The following NUDCD2 variants were observed in gnomAD, a reference collection of about 807,000 sequenced individuals.
The protein encoded by NUDCD2 is nudC domain-containing protein 2.
In NUDCD2, 16 loss-of-function variants were observed where a neutral mutation model predicts 20.8. The observed-to-expected ratio is 0.77, with a 90% CI of 0.52 to 1.17. NUDCD2 has a LOEUF of 1.17. NUDCD2 is among the 50% of genes most tolerant of loss of function. The probability of loss-of-function intolerance (pLI) is 0.00; values close to 1 mark genes in which losing one functional copy is unlikely to be tolerated. For missense variants in NUDCD2, 199 were observed against 193.9 expected, an observed-to-expected ratio of 1.03 and a Z score of -0.16; for synonymous variants, 87 against 72.8, an observed-to-expected ratio of 1.20 and a Z score of -1.00.
At position 163,449,127 on chromosome 5, in the gene NUDCD2, CTG is replaced by C. The variant is rs1396121850; in HGVS notation, c.*4838_*4839del. ...ATAGACTAAAAAGAATAAAATAAAA[CTG>C]TTCCTATTCGTAGTTTATGTAGAAA... On this transcript the variant is annotated 3_prime_UTR_variant, in exon 4 of 4. Transcript: ENST00000302764. 1 of 152,098 alleles carries C rather than the reference CTG, an allele frequency of 6.6e-6. No individual in the cohort carries two copies. Among genetic ancestry groups the C allele is most frequent in the Non-Finnish European group, 1.5e-5 (1 of 68,024 alleles). The allele number at this position is 152,098 out of a possible 1,614,324, so 9.4% of individuals were successfully genotyped here.
chr5:163,456,002 C>T (rs1422864120), intron 3 of NUDCD2, among the ~76,000 whole-genome samples: 5 of 151,802 alleles, frequency 3.3e-5, no homozygotes, highest in Non-Finnish European at 7.4e-5. Flanking sequence ...TTTTTTTGAC[C>T]TGAACTACTA....
intron 3 of NUDCD2, among the ~76,000 whole-genome samples, chr5:163,455,593 C>T (rs1758282414): frequency 6.6e-6 from 1 of 152,142 alleles, no homozygotes; most frequent in Non-Finnish European, 1.5e-5. Flanking sequence ...GAAACCCCAC[C>T]TCTACTAAAA....
chr5:163,453,540 G>A lies in NUDCD2; in HGVS notation c.*427C>T, dbSNP rs1024836517. The A allele has an allele frequency of 1.3e-5, 2 of 152,442 alleles. No individual in the cohort carries two copies. The highest frequency in any genetic ancestry group is 4.8e-5 in the African/African-American group (2 of 41,346). The allele number at this position is 152,442 out of a possible 1,614,324, so 9.4% of individuals were successfully genotyped here. A position where few individuals can be genotyped will look rare whatever the true frequency, so the allele number is the denominator to read the frequency against. On this transcript the variant is annotated 3_prime_UTR_variant, in exon 4 of 4. Coordinates refer to ENST00000302764, the MANE Select transcript of NUDCD2 (RefSeq NM_145266.6). ...AAATTGTTTTCAGCACTATAATTTT[G>A]TGTGAATTGTTATACTTAGACAAAG...
At chr5:163,454,164 T>G (rs538120550) in intron 3 of NUDCD2, 114 bp from the exon 4 acceptor site, 80 of 485,592 alleles carry the variant, frequency 1.6e-4, no homozygotes, top group African/African-American at 1.5e-3. Flanking sequence ...CATGAAAATA[T>G]AACAGACTTC....
Position 163,459,848 on chromosome 5 carries a change from C to G in NUDCD2, c.189+14G>C, listed in dbSNP as rs1253484699. The G allele has an allele frequency of 3.2e-5, 50 of 1,586,774 alleles. No homozygotes were observed. Among genetic ancestry groups the G allele is most frequent in the Non-Finnish European group, 3.7e-5 (43 of 1,167,300 alleles). ...GGAAGAGGAAACTGAACACAAGCCC[C>G]GAGCTGCCGCTACCTTGAGGATCTC... On this transcript the variant is annotated intron_variant, in intron 1 of 3. Coordinates refer to ENST00000302764, the MANE Select transcript of NUDCD2 (RefSeq NM_145266.6).
At position 163,459,847 on chromosome 5, in the gene NUDCD2, C is replaced by T; in HGVS notation, c.189+15G>A. 6.3e-7 allele frequency: 1 copy of T among 1,586,056 alleles called. No individual in the cohort carries two copies. Among genetic ancestry groups the T allele is most frequent in the Non-Finnish European group, 8.6e-7 (1 of 1,166,940 alleles). On this transcript the variant is annotated intron_variant, in intron 1 of 3. Coordinates refer to ENST00000302764, the MANE Select transcript of NUDCD2 (RefSeq NM_145266.6). ...GGGAAGAGGAAACTGAACACAAGCC[C>T]CGAGCTGCCGCTACCTTGAGGATCT...
At chr5:163,455,458 G>T (rs1017310170) in intron 3 of NUDCD2, among the ~76,000 whole-genome samples, 1 of 152,154 alleles carries the variant, frequency 6.6e-6, no homozygotes, top group East Asian at 1.9e-4. Context: ...ATGTGACTTG[G>T]ATTTTAAAAG....
In NUDCD2 at chr5:163,459,988, C is replaced by T; in HGVS notation, c.63G>A (p.Trp21Ter). 6.2e-7 allele frequency: 1 copy of T among 1,613,458 alleles called. No individual in the cohort carries two copies. Among genetic ancestry groups the T allele is most frequent in the Non-Finnish European group, 8.5e-7 (1 of 1,179,782 alleles). The change falls in exon 1 of 4, where the codon TGG becomes TGA. Residue 21 changes from tryptophan (W) to a stop codon, truncating the protein, a stop_gained. Coordinates refer to ENST00000302764, the MANE Select transcript of NUDCD2 (RefSeq NM_145266.6). LOFTEE classifies it high-confidence loss of function. ...TGAACACCTCCTCCAAGGTCTGGTA[C>T]CACTGGCCCCACGGGGTCCCGCACG... ...VVPCGTPWGQ[W>*]YQTLEEVFIE...
intron 1 of NUDCD2, among the ~76,000 whole-genome samples, chr5:163,458,020 G>A (rs1170502432): frequency 9.5e-6 from 1 of 105,580 alleles, no homozygotes; most frequent in Non-Finnish European, 1.7e-5. Context: ...ACAGAGTTTC[G>A]CTCTGTCGCC....
rs1758156829 is a variant in NUDCD2 at position 163,450,702 on chromosome 5, A to G, written c.*3265T>C. 1 of 152,224 alleles carries G rather than the reference A, an allele frequency of 6.6e-6. No individual in the cohort carries two copies. The highest frequency in any genetic ancestry group is 6.5e-5 in the Admixed American group (1 of 15,284). The allele number at this position is 152,224 out of a possible 1,614,324, so 9.4% of individuals were successfully genotyped here. On this transcript the variant is annotated 3_prime_UTR_variant, in exon 4 of 4. Coordinates refer to ENST00000302764, the MANE Select transcript of NUDCD2 (RefSeq NM_145266.6). ...AGGATGCAGAGAAAATGGAACCTGC[A>G]TACACTGCTGGTGGGAAAGTAAAAA...
rs1448409607 is a variant in NUDCD2, at chr5:163,460,044, C to T, written c.7G>A (p.Ala3Thr). 2 of 1,576,504 alleles carry T rather than the reference C, an allele frequency of 1.3e-6. No homozygotes were observed. Among genetic ancestry groups the T allele is most frequent in the Non-Finnish European group, 1.7e-6 (2 of 1,163,530 alleles). MS[A>T]PFEERSGVVP... ...ACCCCACTCCGCTCCTCAAACGGGG[C>T]CGACATAATCCAGTCCCTCCCGGCC... Residue 3 changes from alanine to threonine, a missense_variant, in exon 1 of 4, where the codon GCC becomes ACC. By Grantham distance (58) the Ala-to-Thr change is moderately conservative. Coordinates refer to ENST00000302764, the MANE Select transcript of NUDCD2 (RefSeq NM_145266.6).
Position 163,450,357 on chromosome 5 carries a change from T to G in NUDCD2, c.*3610A>C, listed in dbSNP as rs1197914592. ...CCACCAATGGCATGATGGATAAGAC[T>G]TCATCAAAATTAAGTCTGTGCTTCA... On this transcript the variant is annotated 3_prime_UTR_variant, in exon 4 of 4. Coordinates refer to ENST00000302764, the MANE Select transcript of NUDCD2 (RefSeq NM_145266.6). The G allele has an allele frequency of 1.3e-5, 2 of 152,118 alleles. No individual in the cohort carries two copies. The highest frequency in any genetic ancestry group is 2.9e-5 in the Non-Finnish European group (2 of 68,014). 9.4% of individuals were successfully genotyped at this position (152,118 alleles called of 1,614,324 possible).
chr5:163,458,178 T>C (rs1050860608), intron 1 of NUDCD2, among the ~76,000 whole-genome samples: 2 of 151,884 alleles, frequency 1.3e-5, no homozygotes, highest in African/African-American at 4.8e-5. Flanking sequence ...AGATGGGGTT[T>C]CCCCGTGTTA....
In NUDCD2 at chr5:163,447,882, G is replaced by T. The variant is rs918579178; in HGVS notation, c.*6085C>A. 3 of 152,134 alleles carry T rather than the reference G, an allele frequency of 2.0e-5. No homozygotes were observed. The highest frequency in any genetic ancestry group is 7.2e-5 in the African/African-American group (3 of 41,432). The allele number at this position is 152,134 out of a possible 1,614,324, so 9.4% of individuals were successfully genotyped here. A position where few individuals can be genotyped will look rare whatever the true frequency, so the allele number is the denominator to read the frequency against. On this transcript the variant is annotated 3_prime_UTR_variant, in exon 4 of 4. Transcript: ENST00000302764. ...TCTTAAAAAATATTTTAAAATAAAT[G>T]AAAATATCACCGTGCTTGGAATGCA...
chr5:163,453,913 C>G lies in NUDCD2; in HGVS notation c.*54G>C. ...TTCTTCCATTACATAATCTGTTTAT[C>G]TGATTAAGTTGGCAATATCTGCTAG... On this transcript the variant is annotated 3_prime_UTR_variant, in exon 4 of 4. Coordinates refer to ENST00000302764, the MANE Select transcript of NUDCD2 (RefSeq NM_145266.6). 1.1e-6 allele frequency: 1 copy of G among 939,098 alleles called. No homozygotes were observed. The highest frequency in any genetic ancestry group is 2.6e-5 in the Admixed American group (1 of 38,610). The allele number at this position is 939,098 out of a possible 1,614,324, so 58.2% of individuals were successfully genotyped here.
At position 163,450,413 on chromosome 5, in the gene NUDCD2, T is replaced by G. The variant is rs1013349940; in HGVS notation, c.*3554A>C. ...CACTATCAACAAAGTAAAGAGAGAA[T>G]AGGAGAAATTACAAATCATATACCT... On this transcript the variant is annotated 3_prime_UTR_variant, in exon 4 of 4. Transcript: ENST00000302764. 1 of 152,070 alleles carries G rather than the reference T, an allele frequency of 6.6e-6. No homozygotes were observed. Among genetic ancestry groups the G allele is most frequent in the African/African-American group, 2.4e-5 (1 of 41,410 alleles). 9.4% of individuals were successfully genotyped at this position (152,070 alleles called of 1,614,324 possible). A position where few individuals can be genotyped will look rare whatever the true frequency, so the allele number is the denominator to read the frequency against.
chr5:163,458,899 T>C (rs986695548), intron 1 of NUDCD2: 4 of 152,224 alleles, frequency 2.6e-5, no homozygotes, highest in Admixed American at 2.6e-4. Flanking sequence ...TGACATAATG[T>C]CTTTCACACG....
At chr5:163,458,126 G>C (rs932040416) in intron 1 of NUDCD2, among the ~76,000 whole-genome samples, 2 of 151,330 alleles carry the variant, frequency 1.3e-5, no homozygotes, top group African/African-American at 4.9e-5. Flanking sequence ...AGGACTACAG[G>C]CGCCCGCCAC....
rs1347389743 is a variant in NUDCD2 at position 163,451,266 on chromosome 5, AATGT to A, written c.*2697_*2700del. On this transcript the variant is annotated 3_prime_UTR_variant, in exon 4 of 4. Coordinates refer to ENST00000302764, the MANE Select transcript of NUDCD2 (RefSeq NM_145266.6). ...TGAATTACACACCTTAAATGGGTGA[AATGT>A]ATGTTGTTACAATAAAGCGTTTTTC... is the stretch of plus-strand genomic sequence containing the variant. 2.6e-5 allele frequency: 4 copies of A among 152,228 alleles called. No individual in the cohort carries two copies. The highest frequency in any genetic ancestry group is 5.9e-5 in the Non-Finnish European group (4 of 68,036). 9.4% of individuals were successfully genotyped at this position (152,228 alleles called of 1,614,324 possible).
Sources: allele counts gnomAD v4.1 joint callset (sites outside exome capture counted in the v4.1 genomes callset), GRCh38; gene constraint gnomAD v4.1.1; transcripts MANE v1.5; gene names NCBI Gene and HGNC (gene_info 2026-07-23, HGNC 2026-07-21).